AK8: variants seen among roughly 807,000 people sequenced by gnomAD.
The protein encoded by AK8 is adenylate kinase 8, also known as ATP-AMP transphosphorylase 8.
In AK8, 44 loss-of-function variants were observed where a neutral mutation model predicts 54.6. The ratio of observed to expected loss-of-function variants is 0.81; its 90% CI spans 0.63 to 1.04. The LOEUF is 1.04. Among genes scored for constraint, AK8 ranks in the 50% least tolerant of loss-of-function variants. AK8 has a pLI of 0.00. For synonymous variants in AK8, 239 were observed against 245.6 expected (o/e 0.97, Z 0.25); for missense variants, 555 against 613.6 (o/e 0.90, Z 1.01).
intron 5 of AK8, among the ~76,000 whole-genome samples, chr9:132,841,291 G>C (rs1160397287): frequency 6.6e-6 from 1 of 152,186 alleles, no homozygotes; most frequent in Admixed American, 6.5e-5. Context: ...GTGAACCCGA[G>C]CCACGTGTGG....
At chr9:132,778,433 T>G (rs540729779) in intron 11 of AK8, among the ~76,000 whole-genome samples, 1 of 152,284 alleles carries the variant, frequency 6.6e-6, no homozygotes, top group South Asian at 2.1e-4. Flanking sequence ...ATAGTCCGCA[T>G]AAGGATCAGC....
intron 9 of AK8, among the ~76,000 whole-genome samples, chr9:132,815,016 G>A (rs1270974759): frequency 6.6e-6 from 1 of 152,200 alleles, no homozygotes; most frequent in Non-Finnish European, 1.5e-5. Context: ...GCCCACAGAG[G>A]AGCCCTGCAG....
chr9:132,784,808 G>A (rs1839623288), intron 11 of AK8, among the ~76,000 whole-genome samples: 1 of 152,094 alleles, frequency 6.6e-6, no homozygotes, highest in African/African-American at 2.4e-5. Flanking sequence ...CCATTCAAAT[G>A]AAAGATAAAA....
chr9:132,833,789 G>A (rs2131323418), intron 5 of AK8, among the ~76,000 whole-genome samples: 1 of 152,404 alleles, frequency 6.6e-6, no homozygotes, highest in South Asian at 2.1e-4. Context: ...AGCACGGCCT[G>A]ATGCGGCACG....
intron 5 of AK8, among the ~76,000 whole-genome samples, chr9:132,832,859 A>G (rs2131320538): frequency 1.3e-5 from 2 of 152,344 alleles, no homozygotes; most frequent in South Asian, 4.1e-4. Flanking sequence ...ATTCTGGTGC[A>G]GATGTGAAAA....
At chr9:132,782,923 C>A (rs1230883477) in intron 11 of AK8, among the ~76,000 whole-genome samples, 1 of 152,102 alleles carries the variant, frequency 6.6e-6, no homozygotes, top group Non-Finnish European at 1.5e-5. Context: ...GCTCTGTAGC[C>A]CAAACTCTAG....
chr9:132,837,832 C>T lies in AK8; in HGVS notation c.403-9106G>A, dbSNP rs534222422. 6.6e-6 allele frequency among the ~76,000 whole-genome samples: 1 copy of T among 152,206 alleles called. No individual in the cohort carries two copies. The highest frequency in any genetic ancestry group is 1.5e-5 in the Non-Finnish European group (1 of 68,038). ...TGTGCTCACTGTGCTGTGCCCGGCA[C>T]CTCACCAAGCCCTCAGAAGCCCTGC... On this transcript the variant is annotated intron_variant, in intron 5 of 12. Transcript: ENST00000298545. This position sits in a 1 kb window ranked among gnomAD's most constrained non-coding sequence, Gnocchi z 4.3.
intron 5 of AK8, among the ~76,000 whole-genome samples, chr9:132,848,851 T>G (rs1269878845): frequency 1.3e-5 from 2 of 151,574 alleles, no homozygotes; most frequent in Non-Finnish European, 2.9e-5. Flanking sequence ...GGAGGGAACT[T>G]AGTTAAAATG....
At chr9:132,854,729 C>T (rs955156428) in intron 5 of AK8, 128 bp downstream of exon 5, 16 of 954,458 alleles carry the variant, frequency 1.7e-5, no homozygotes, top group African/African-American at 8.1e-5. Flanking sequence ...CTGACCTTCA[C>T]GGAGTTCCCG....
At chr9:132,844,385 T>C (rs960094068) in intron 5 of AK8, among the ~76,000 whole-genome samples, 1 of 152,124 alleles carries the variant, frequency 6.6e-6, no homozygotes, top group African/African-American at 2.4e-5. Context: ...TTGCGTTATT[T>C]TTCCCTGAAC....
chr9:132,857,345 C>A (rs1292362824), intron 4 of AK8, among the ~76,000 whole-genome samples: 1 of 152,150 alleles, frequency 6.6e-6, no homozygotes, highest in Non-Finnish European at 1.5e-5. Flanking sequence ...CCTGGAGAAC[C>A]ACTGGCATAA....
intron 4 of AK8, among the ~76,000 whole-genome samples, chr9:132,863,006 A>G (rs1480500780): frequency 6.6e-6 from 1 of 152,236 alleles, no homozygotes; most frequent in Non-Finnish European, 1.5e-5. Context: ...TTGAGTTTCT[A>G]TTTGTATTAA....
intron 11 of AK8, among the ~76,000 whole-genome samples, chr9:132,771,313 T>C (rs769535612): frequency 6.6e-6 from 1 of 152,218 alleles, no homozygotes; most frequent in Non-Finnish European, 1.5e-5. Flanking sequence ...GAAAGTGCTA[T>C]GGCAGATGGT....
chr9:132,757,353 G>A (rs1043687188), intron 11 of AK8, among the ~76,000 whole-genome samples: 7 of 152,204 alleles, frequency 4.6e-5, no homozygotes, highest in South Asian at 2.1e-4. Context: ...AGGAGGGCCC[G>A]CCATCTCACG....
At chr9:132,834,003 G>T (rs944027) in intron 5 of AK8, among the ~76,000 whole-genome samples, 11,676 of 152,282 alleles carry the variant, frequency 0.077, 532 homozygotes, top group Admixed American at 0.12. Flanking sequence ...CTCTGATCTG[G>T]CTCGCAGCTC....
chr9:132,854,540 G>T (rs1011422439), intron 5 of AK8, among the ~76,000 whole-genome samples: 1 of 152,230 alleles, frequency 6.6e-6, no homozygotes, highest in African/African-American at 2.4e-5. Flanking sequence ...AGTCCCTGGC[G>T]CCTCACCATC....
At chr9:132,798,284 G>C (rs376439721) in intron 10 of AK8, among the ~76,000 whole-genome samples, 1 of 152,202 alleles carries the variant, frequency 6.6e-6, no homozygotes, top group Admixed American at 6.5e-5. Context: ...CCTCTCTGAG[G>C]CTCGGTGTCT....
chr9:132,877,272 T>A (rs1275202199), intron 1 of AK8, among the ~76,000 whole-genome samples: 10 of 152,212 alleles, frequency 6.6e-5, no homozygotes. Flanking sequence ...GTTAACACTT[T>A]CCGAGGGAAA....
intron 1 of AK8, among the ~76,000 whole-genome samples, chr9:132,875,634 C>T (rs1224488135): frequency 6.6e-6 from 1 of 152,242 alleles, no homozygotes; most frequent in African/African-American, 2.4e-5. Flanking sequence ...TGGGAACATA[C>T]CTTCCTGAGT....
Sources: allele counts gnomAD v4.1 joint callset (sites outside exome capture counted in the v4.1 genomes callset), GRCh38; gene constraint gnomAD v4.1.1; non-coding constraint Gnocchi (gnomAD v3.1); transcripts MANE v1.5; gene names NCBI Gene and HGNC (gene_info 2026-07-23, HGNC 2026-07-21).